The following INO80 variants were observed in gnomAD, a reference collection of about 807,000 sequenced individuals.
INO80 encodes the protein chromatin-remodeling ATPase INO80.
INO80 carries 20 observed loss-of-function variants against 203.4 expected under a neutral mutation model. That is an observed-to-expected ratio of 0.10 (90% CI 0.07 to 0.14). INO80 has a LOEUF of 0.14. Among genes scored for constraint, INO80 ranks in the 10% least tolerant of loss-of-function variants. The pLI is 1.00. For missense variants in INO80, 1,419 were observed against 1,914.4 expected (o/e 0.74, Z 4.83); for synonymous variants, 726 against 685.2 (o/e 1.06, Z -0.93).
intron 19 of INO80, 109 bp from the exon 20 acceptor site, chr15:41,050,211 A>G (rs1251066729): frequency 4.3e-6 from 3 of 696,870 alleles, no homozygotes; most frequent in Non-Finnish European, 7.3e-6. Flanking sequence ...GAGAATAAAC[A>G]TATGTGAACT....
At chr15:41,095,995 G>GCCGCAGTGGCTCAC in intron 2 of INO80, 67 bp from the exon 3 acceptor site, 1 of 1,484,846 alleles carries the variant, frequency 6.7e-7, no homozygotes, top group Non-Finnish European at 9.2e-7. Flanking sequence ...AGTTAGAACT[G>GCCGCAGTGGCTCAC]GACACTTTAC....
At chr15:41,069,415 C>T (rs111362551) in intron 14 of INO80, 155 bp downstream of exon 14, 13 of 486,134 alleles carry the variant, frequency 2.7e-5, no homozygotes, top group African/African-American at 2.4e-4. Context: ...CGTGATCCAC[C>T]CACCTCAACC....
Position 41,049,433 on chromosome 15 carries a change from G to T in INO80, c.2443-13C>A. ...GGTGATTACACACCTAAAAGGAAGG[G>T]AAATGGTAAGACAATATTACCACAT... On this transcript the variant is annotated splice_polypyrimidine_tract_variant and intron_variant, in intron 20 of 35. Transcript: ENST00000648947. The T allele has an allele frequency of 6.2e-7, 1 of 1,613,066 alleles. No homozygotes were observed. The highest frequency in any genetic ancestry group is 8.5e-7 in the Non-Finnish European group (1 of 1,179,270).
At chr15:41,088,109 T>TG (rs2045587770) in intron 5 of INO80, among the ~76,000 whole-genome samples, 1 of 145,202 alleles carries the variant, frequency 6.9e-6, no homozygotes, top group African/African-American at 2.7e-5. Context: ...TTTTTTTTTT[T>TG]GAGACAGAGT....
At chr15:41,007,187 T>C (rs546273923) in intron 27 of INO80, among the ~76,000 whole-genome samples, 41,398 of 139,756 alleles carry the variant, frequency 0.3, 5,902 homozygotes, top group Non-Finnish European at 0.33. Context: ...TTTTTCTTTT[T>C]TTTTTTTTTT....
intron 14 of INO80, 172 bp downstream of exon 14, chr15:41,069,398 C>T: frequency 4.3e-6 from 2 of 470,276 alleles, no homozygotes; most frequent in South Asian, 3.4e-5. Flanking sequence ...TCTCGACTTC[C>T]TGACCTCGTG....
chr15:41,002,930 T>C (rs1202981933), intron 28 of INO80, among the ~76,000 whole-genome samples: 1 of 152,014 alleles, frequency 6.6e-6, no homozygotes, highest in Non-Finnish European at 1.5e-5. Context: ...TAGTGAAACC[T>C]TGTCTCTACT....
intron 24 of INO80, among the ~76,000 whole-genome samples, chr15:41,039,179 T>C (rs1301480536): frequency 6.6e-6 from 1 of 152,242 alleles, no homozygotes; most frequent in African/African-American, 2.4e-5. Flanking sequence ...AGTCTCACTA[T>C]GTTGCCCAGG....
Position 41,056,713 on chromosome 15 carries a change from G to A in INO80, c.1986-7C>T. On this transcript the variant is annotated splice_region_variant and splice_polypyrimidine_tract_variant and intron_variant, in intron 16 of 35. Coordinates refer to ENST00000648947, the MANE Select transcript of INO80 (RefSeq NM_017553.3). Reference sequence around the variant, plus strand: ...GAGGATCTTCCAACGAACACTGTTTGATAAAATAAGTTACAAATTCATGTT... The same window carrying A: ...GAGGATCTTCCAACGAACACTGTTTAATAAAATAAGTTACAAATTCATGTT... The A allele has an allele frequency of 6.2e-7, 1 of 1,610,356 alleles. No individual in the cohort carries two copies. Among genetic ancestry groups the A allele is most frequent in the Non-Finnish European group, 8.5e-7 (1 of 1,176,740 alleles).
intron 23 of INO80, among the ~76,000 whole-genome samples, chr15:41,046,806 T>C (rs557594138): frequency 4.0e-5 from 6 of 151,184 alleles, no homozygotes; most frequent in African/African-American, 1.5e-4. Context: ...TTGGTAGAAA[T>C]GGGGTTTCAC....
At chr15:40,993,877 C>A (rs921461535) in intron 29 of INO80, among the ~76,000 whole-genome samples, 3 of 152,212 alleles carry the variant, frequency 2.0e-5, no homozygotes, top group Non-Finnish European at 4.4e-5. Flanking sequence ...ATACTCCTAA[C>A]TGATCTTCCT....
At chr15:40,985,932 C>T (rs1263663286) in intron 31 of INO80, among the ~76,000 whole-genome samples, 1 of 152,142 alleles carries the variant, frequency 6.6e-6, no homozygotes, top group East Asian at 1.9e-4. Flanking sequence ...TAGGCCTTTC[C>T]TCATGTTATT....
chr15:41,085,280 T>G (rs2140638613), intron 7 of INO80, 89 bp downstream of exon 7: 3 of 1,109,750 alleles, frequency 2.7e-6, no homozygotes, highest in Non-Finnish European at 4.0e-6. Context: ...TTCCTATCTG[T>G]GAAAGTATCT....
intron 28 of INO80, among the ~76,000 whole-genome samples, chr15:40,999,675 T>C (rs2043931852): frequency 6.6e-6 from 1 of 152,222 alleles, no homozygotes; most frequent in Non-Finnish European, 1.5e-5. Flanking sequence ...AATTGTGTAG[T>C]GTAAACCAAA....
intron 21 of INO80, among the ~76,000 whole-genome samples, chr15:41,048,572 T>G (rs969091722): frequency 6.6e-6 from 1 of 152,194 alleles, no homozygotes; most frequent in African/African-American, 2.4e-5. Flanking sequence ...GCAATACAGC[T>G]CTGGCCTGTT....
intron 4 of INO80, among the ~76,000 whole-genome samples, chr15:41,092,681 C>CA (rs1238802893): frequency 6.6e-6 from 1 of 152,130 alleles, no homozygotes; most frequent in Non-Finnish European, 1.5e-5. Context: ...GTAGGGGCTA[C>CA]AATATGAAGA....
intron 11 of INO80, 25 bp from the exon 12 acceptor site, chr15:41,072,083 T>TATA: frequency 7.9e-7 from 1 of 1,268,646 alleles, no homozygotes; most frequent in Non-Finnish European, 1.1e-6. Context: ...AAAAAAAAAT[T>TATA]AGAAAAAAAA....
At position 41,000,722 on chromosome 15, in the gene INO80, A is replaced by T. The variant is rs1020846592; in HGVS notation, c.3498-3121T>A. Among the ~76,000 whole-genome samples the T allele has an allele frequency of 2.7e-3, 403 of 151,156 alleles. 3 individuals carry two copies. Among genetic ancestry groups the T allele is most frequent in the South Asian group, 0.013 (61 of 4,818 alleles). ...ACCCTGTCTCAAAAAAAAAAAAAAA[A>T]AAAAAAAAGAAAGAAAAGAAAAGAG... On this transcript the variant is annotated intron_variant, in intron 28 of 35. Coordinates refer to ENST00000648947, the MANE Select transcript of INO80 (RefSeq NM_017553.3).
chr15:41,080,951 A>G (rs537901267), intron 8 of INO80, 69 bp downstream of exon 8: 26 of 982,482 alleles, frequency 2.6e-5, no homozygotes, highest in Non-Finnish European at 3.8e-5. Context: ...GAGCAGCAAG[A>G]TGGACCCCAA....
Sources: gnomAD v4.1 joint callset for allele counts (sites outside exome capture counted in the v4.1 genomes callset) on GRCh38, gnomAD v4.1.1 for gene constraint, MANE v1.5 for transcripts, NCBI Gene and HGNC (gene_info 2026-07-23, HGNC 2026-07-21) for gene names.